The following PEBP4 variants were observed in gnomAD, a reference collection of about 807,000 sequenced individuals.
The protein encoded by PEBP4 is phosphatidylethanolamine binding protein 4, also known as phosphatidylethanolamine-binding protein 4.
A neutral mutation model predicts 23.9 loss-of-function variants in PEBP4; 22 were observed. The observed-to-expected ratio is 0.92, with a 90% confidence interval of 0.66 to 1.31. The LOEUF is 1.31. PEBP4 is among the 40% of genes most tolerant of loss of function. The pLI is 0.00. For synonymous variants in PEBP4, 112 were observed against 99.3 expected (o/e 1.13, Z -0.76); for missense variants, 324 against 281.7 (o/e 1.15, Z -1.07).
At chr8:22,936,587 CCTGA>C (rs1314285133) in intron 1 of PEBP4, among the ~76,000 whole-genome samples, 1 of 152,134 alleles carries the variant, frequency 6.6e-6, no homozygotes, top group African/African-American at 2.4e-5. Flanking sequence ...GAGAATACTC[CCTGA>C]CTCACTCTGT....
At chr8:22,901,704 G>A (rs993292144) in intron 3 of PEBP4, among the ~76,000 whole-genome samples, 1 of 152,222 alleles carries the variant, frequency 6.6e-6, no homozygotes, top group African/African-American at 2.4e-5. Context: ...CACGCTGACA[G>A]AACCCTGGTG....
rs534989838 is a variant in PEBP4, at chr8:22,725,556, CT to C, written c.404-601del. On this transcript the variant is annotated intron_variant, in intron 5 of 6. Coordinates refer to ENST00000256404, the MANE Select transcript of PEBP4 (RefSeq NM_144962.3). Reference sequence around the variant, plus strand: ...CTCTCTCCCTCCAGGAGGCTGAGCTCTTTTTTTGGGGCGGGGGAAGTGGGGT... The same window carrying C: ...CTCTCTCCCTCCAGGAGGCTGAGCTCTTTTTTGGGGCGGGGGAAGTGGGGT... Among the ~76,000 whole-genome samples the C allele has an allele frequency of 2.8e-5, 4 of 144,786 alleles. No individual in the cohort carries two copies. The South Asian group carries it at 9.4e-4, about 34-fold the overall frequency. 95.0% of individuals were successfully genotyped at this position (144,786 alleles called of 152,430 possible). A position where few individuals can be genotyped will look rare whatever the true frequency, so the allele number is the denominator to read the frequency against.
intron 4 of PEBP4, among the ~76,000 whole-genome samples, chr8:22,756,538 T>G (rs1173758125): frequency 6.6e-6 from 1 of 152,192 alleles, no homozygotes; most frequent in African/African-American, 2.4e-5. Flanking sequence ...CACTGTCCCA[T>G]GCTCCTCCCC....
chr8:22,770,645 T>C (rs771531940), intron 4 of PEBP4, among the ~76,000 whole-genome samples: 19 of 152,354 alleles, frequency 1.2e-4, no homozygotes, highest in Admixed American at 2.0e-4. Flanking sequence ...ATTCAGCTCT[T>C]GAAGACACCC....
intron 3 of PEBP4, among the ~76,000 whole-genome samples, chr8:22,859,364 A>C (rs929053112): frequency 6.6e-6 from 1 of 152,224 alleles, no homozygotes; most frequent in Admixed American, 6.5e-5. Flanking sequence ...AGTCAGACTC[A>C]TCAGGCTGGA....
chr8:22,817,369 T>C (rs552152831), intron 4 of PEBP4, among the ~76,000 whole-genome samples: 42 of 152,346 alleles, frequency 2.8e-4, no homozygotes, highest in Admixed American at 1.5e-3. Flanking sequence ...TGGGAGTATT[T>C]ATTTATACCA....
intron 3 of PEBP4, among the ~76,000 whole-genome samples, chr8:22,893,166 G>C (rs1808526751): frequency 6.6e-6 from 1 of 152,216 alleles, no homozygotes; most frequent in Non-Finnish European, 1.5e-5. Context: ...CCACCAGGCA[G>C]AGTAAAAATG....
rs962601537 is a variant in PEBP4 at position 22,920,265 on chromosome 8, C to T, written c.177G>A (p.Lys59=). 6.2e-7 allele frequency: 1 copy of T among 1,613,738 alleles called. No homozygotes were observed. Among genetic ancestry groups the T allele is most frequent in the Non-Finnish European group, 8.5e-7 (1 of 1,179,710 alleles). The change falls in exon 3 of 7, where the codon AAG becomes AAA. Residue 59 remains lysine (K), a synonymous_variant. Coordinates refer to ENST00000256404, the MANE Select transcript of PEBP4 (RefSeq NM_144962.3). The stretch of plus-strand genomic sequence containing the variant: ...TGTAGTTGTTACAATCAGGAACAAC[C>T]TTGCAGCCAATGTTCCCCAACTCTG... ...FYPELGNIGC[K]VVPDCNNYRQ...
At chr8:22,853,279 G>T (rs772335368) in intron 3 of PEBP4, among the ~76,000 whole-genome samples, 1 of 152,112 alleles carries the variant, frequency 6.6e-6, no homozygotes, top group African/African-American at 2.4e-5. Context: ...GTCCTCCTGT[G>T]GGGACCAGTG....
chr8:22,846,622 C>A (rs1484940062), intron 3 of PEBP4, among the ~76,000 whole-genome samples: 6 of 152,124 alleles, frequency 3.9e-5, no homozygotes, highest in African/African-American at 9.7e-5. Flanking sequence ...CACCCCAAGC[C>A]AAGTAAGAGG....
At chr8:22,917,974 G>C (rs1022743367) in intron 3 of PEBP4, among the ~76,000 whole-genome samples, 4 of 152,204 alleles carry the variant, frequency 2.6e-5, no homozygotes, top group Admixed American at 2.0e-4. Flanking sequence ...TGAGCACCTG[G>C]ATCCAGCCTC....
chr8:22,901,721 C>G (rs1206257015), intron 3 of PEBP4, among the ~76,000 whole-genome samples: 1 of 152,212 alleles, frequency 6.6e-6, no homozygotes, highest in African/African-American at 2.4e-5. Context: ...GGTGAGAATA[C>G]AAGTCAGTAA....
intron 4 of PEBP4, among the ~76,000 whole-genome samples, chr8:22,771,436 C>T (rs1316802740): frequency 6.6e-6 from 1 of 152,104 alleles, no homozygotes; most frequent in East Asian, 1.9e-4. Flanking sequence ...TTGCAGCGAG[C>T]TGAGATCGTG....
chr8:22,853,203 TG>T (rs1054820697), intron 3 of PEBP4, among the ~76,000 whole-genome samples: 1 of 152,258 alleles, frequency 6.6e-6, no homozygotes, highest in Non-Finnish European at 1.5e-5. Flanking sequence ...GCTACTGTTA[TG>T]AATCATTAGC....
chr8:22,737,997 T>C (rs1406049925), intron 4 of PEBP4, among the ~76,000 whole-genome samples: 1 of 152,030 alleles, frequency 6.6e-6, no homozygotes, highest in African/African-American at 2.4e-5. Context: ...CCGTCCACCC[T>C]TGGAGCCCCG....
chr8:22,927,670 A>C lies in PEBP4; in HGVS notation c.45T>G (p.Gly15=). 6.2e-7 allele frequency: 1 copy of C among 1,613,738 alleles called. No individual in the cohort carries two copies. The highest frequency in any genetic ancestry group is 8.5e-7 in the Non-Finnish European group (1 of 1,179,828). The part of the protein sequence containing the change: ...MRLVTAALLL[G]LMMVVTGDED... ...CGTCTCCAGTGACCACCATCATGAG[A>C]CCCAGTAACAGTGCTGCTGTGACCA... Residue 15 remains glycine, a synonymous_variant, in exon 2 of 7, where the codon GGT becomes GGG. Coordinates refer to ENST00000256404, the MANE Select transcript of PEBP4 (RefSeq NM_144962.3).
At chr8:22,767,477 G>A (rs1050398802) in intron 4 of PEBP4, among the ~76,000 whole-genome samples, 2 of 152,206 alleles carry the variant, frequency 1.3e-5, no homozygotes, top group African/African-American at 2.4e-5. Context: ...AAAGAAGAGT[G>A]AGCAGGAACC....
At chr8:22,940,650 G>A (rs113172333) in intron 1 of PEBP4, among the ~76,000 whole-genome samples, 1,594 of 152,020 alleles carry the variant, frequency 0.01, 31 homozygotes, top group African/African-American at 0.035. Context: ...CACCACGCCT[G>A]GTTAATTTTT....
In PEBP4 at chr8:22,768,097, A is replaced by G. The variant is rs551188356; in HGVS notation, c.358-40877T>C. Among the ~76,000 whole-genome samples the G allele has an allele frequency of 5.3e-5, 8 of 152,230 alleles. No individual in the cohort carries two copies. The East Asian group carries it at 5.8e-4, about 11-fold the overall frequency. On this transcript the variant is annotated intron_variant, in intron 4 of 6. Transcript: ENST00000256404. ...GCAAACACCTATAAAGGGTTTTCCT[A>G]TGGTGCCTGTTGGAAATTCCCTAAA...
Sources: gnomAD v4.1 joint callset for allele counts (sites outside exome capture counted in the v4.1 genomes callset) on GRCh38, gnomAD v4.1.1 for gene constraint, MANE v1.5 for transcripts, NCBI Gene and HGNC (gene_info 2026-07-23, HGNC 2026-07-21) for gene names.